Variants in CPED1 observed in about 807,000 individuals in gnomAD.
The protein encoded by CPED1 is cadherin-like and PC-esterase domain-containing protein 1.
CPED1 carries 114 observed loss-of-function variants against 128.2 expected under a neutral mutation model. That is an observed-to-expected ratio of 0.89 (90% confidence interval 0.76 to 1.04). The LOEUF (loss-of-function observed/expected upper bound fraction) is 1.04, where lower values mean the gene tolerates loss of function less well. CPED1 is among the 50% of genes least tolerant of loss of function. CPED1 has a pLI of 0.00. For missense variants in CPED1, 1,211 were observed against 1,207.1 expected (o/e 1.00, Z -0.05); for synonymous variants, 462 against 426.7 (o/e 1.08, Z -1.02).
At chr7:121,159,131 G>T (rs980116431) in intron 16 of CPED1, among the ~76,000 whole-genome samples, 1 of 151,984 alleles carries the variant, frequency 6.6e-6, no homozygotes, top group African/African-American at 2.4e-5. Flanking sequence ...GGAAAAAAAT[G>T]CCCCTAGTGA....
chr7:121,209,241 T>G (rs1797591264), intron 16 of CPED1, among the ~76,000 whole-genome samples: 1 of 152,042 alleles, frequency 6.6e-6, no homozygotes, highest in African/African-American at 2.4e-5. Flanking sequence ...ACGTGATTTC[T>G]CAGGTCATTG....
intron 16 of CPED1, among the ~76,000 whole-genome samples, chr7:121,203,879 G>A (rs1389000737): frequency 6.6e-6 from 1 of 152,186 alleles, no homozygotes; most frequent in Non-Finnish European, 1.5e-5. Context: ...TGTCAGTTGC[G>A]TGTCACATGG....
chr7:121,115,032 G>A (rs551485456), intron 7 of CPED1, among the ~76,000 whole-genome samples: 2 of 152,256 alleles, frequency 1.3e-5, no homozygotes, highest in South Asian at 4.1e-4. Context: ...ATATCCTTTT[G>A]TAAATGTTGG....
At chr7:121,132,966 A>G (rs1277253206) in intron 12 of CPED1, among the ~76,000 whole-genome samples, 26 of 152,070 alleles carry the variant, frequency 1.7e-4, no homozygotes, top group Admixed American at 1.7e-3. Context: ...TTGGAGCTGA[A>G]TATGTCATAT....
chr7:121,137,957 T>TA (rs1347910879), intron 14 of CPED1, among the ~76,000 whole-genome samples: 1 of 151,900 alleles, frequency 6.6e-6, no homozygotes, highest in Non-Finnish European at 1.5e-5. Flanking sequence ...TGGATGATCT[T>TA]ACTTTTTTTT....
intron 6 of CPED1, among the ~76,000 whole-genome samples, chr7:121,099,348 AC>A (rs1794783219): frequency 6.6e-6 from 1 of 151,944 alleles, no homozygotes; most frequent in Non-Finnish European, 1.5e-5. Flanking sequence ...CTACCTTTCC[AC>A]CTTTTTATTT....
intron 22 of CPED1, among the ~76,000 whole-genome samples, chr7:121,294,879 G>A (rs1047251626): frequency 2.5e-4 from 38 of 150,576 alleles, no homozygotes; most frequent in Admixed American, 2.4e-3. Flanking sequence ...TAGTTTAATA[G>A]TGCATAGGCA....
chr7:121,162,861 T>C (rs1487572936), intron 16 of CPED1, among the ~76,000 whole-genome samples: 8 of 152,188 alleles, frequency 5.3e-5, no homozygotes, highest in African/African-American at 1.7e-4. Context: ...TGCATAAATA[T>C]CATTATCACT....
Position 121,065,628 on chromosome 7 carries a change from T to C in CPED1, c.616+1315T>C, listed in dbSNP as rs1793812213. Among the ~76,000 whole-genome samples, 5 of 152,244 alleles carry C rather than the reference T, an allele frequency of 3.3e-5. No homozygotes were observed. In the South Asian group the frequency reaches 1.0e-3, roughly 32 times the overall value. On this transcript the variant is annotated intron_variant, in intron 5 of 22. Transcript: ENST00000310396. ...ATAAAATCATAGAAATGAAAGGCTG[T>C]TTATGGTCAGAAATAGATTACCAGT...
Position 121,124,189 on chromosome 7 carries a change from A to T in CPED1, c.919-142A>T, listed in dbSNP as rs1224810925. 5 of 566,014 alleles carry T rather than the reference A, an allele frequency of 8.8e-6. 1 individual carries two copies. Among genetic ancestry groups the T allele is most frequent in the Non-Finnish European group, 1.5e-5 (5 of 344,076 alleles). 35.1% of individuals were successfully genotyped at this position (566,014 alleles called of 1,614,324 possible). ...CAATATACCTGTATCTTAGATTACC[A>T]AACTTACTGATTAGGTGAGGGTGGG... On this transcript the variant is annotated intron_variant, in intron 7 of 22. Coordinates refer to ENST00000310396, the MANE Select transcript of CPED1 (RefSeq NM_024913.5).
chr7:121,253,335 A>T (rs562902515), intron 18 of CPED1, among the ~76,000 whole-genome samples: 1 of 127,428 alleles, frequency 7.8e-6, no homozygotes, highest in Non-Finnish European at 1.6e-5. Flanking sequence ...GGGGGGAGGG[A>T]TAGCATTAGG....
intron 2 of CPED1, among the ~76,000 whole-genome samples, chr7:121,011,508 C>G (rs563306061): frequency 6.6e-6 from 1 of 152,210 alleles, no homozygotes; most frequent in African/African-American, 2.4e-5. Flanking sequence ...ACAAAGACTT[C>G]TACACATTGA....
At chr7:121,104,954 G>A (rs1203976288) in intron 7 of CPED1, among the ~76,000 whole-genome samples, 1 of 151,982 alleles carries the variant, frequency 6.6e-6, no homozygotes, top group Admixed American at 6.6e-5. Flanking sequence ...TGAATTTCTG[G>A]ATAAGGGCCA....
At chr7:121,073,336 A>G (rs761494017) in intron 5 of CPED1, among the ~76,000 whole-genome samples, 8 of 152,214 alleles carry the variant, frequency 5.3e-5, no homozygotes, top group East Asian at 1.9e-4. Flanking sequence ...GGAGATGGAA[A>G]AAGAGGAGGG....
At chr7:121,071,884 C>T (rs748341146) in intron 5 of CPED1, among the ~76,000 whole-genome samples, 1 of 152,112 alleles carries the variant, frequency 6.6e-6, no homozygotes, top group Non-Finnish European at 1.5e-5. Context: ...TAGCCCTGCT[C>T]AGTAACTTTT....
At chr7:121,164,169 G>A (rs1796470883) in intron 16 of CPED1, among the ~76,000 whole-genome samples, 1 of 152,202 alleles carries the variant, frequency 6.6e-6, no homozygotes, top group Admixed American at 6.5e-5. Context: ...CCCAGGGCAT[G>A]GCCCACTGCT....
chr7:121,260,425 C>T (rs1206975116), intron 18 of CPED1, among the ~76,000 whole-genome samples: 1 of 151,862 alleles, frequency 6.6e-6, no homozygotes, highest in Non-Finnish European at 1.5e-5. Context: ...GCTAGTTTTT[C>T]ATCATGACCT....
At chr7:121,115,985 G>A (rs566557627) in intron 7 of CPED1, among the ~76,000 whole-genome samples, 146 of 152,204 alleles carry the variant, frequency 9.6e-4, no homozygotes, top group African/African-American at 3.3e-3. Context: ...AAACCTGCCA[G>A]TTTTCTAAGA....
chr7:121,206,429 C>T (rs1797516560), intron 16 of CPED1, among the ~76,000 whole-genome samples: 1 of 139,152 alleles, frequency 7.2e-6, no homozygotes, highest in South Asian at 2.3e-4. Flanking sequence ...AATCTATTAA[C>T]TTTTAAAGCA....
Sources: allele counts gnomAD v4.1 joint callset (sites outside exome capture counted in the v4.1 genomes callset), GRCh38; gene constraint gnomAD v4.1.1; transcripts MANE v1.5; gene names NCBI Gene and HGNC (gene_info 2026-07-23, HGNC 2026-07-21).